TAPT1: variants seen among roughly 807,000 people sequenced by gnomAD.
The protein encoded by TAPT1 is transmembrane anterior posterior transformation protein 1 homolog.
Under a neutral mutation model 65.6 loss-of-function variants are expected in TAPT1, and 28 were observed. The ratio of observed to expected loss-of-function variants is 0.43; its 90% CI spans 0.32 to 0.59. TAPT1 has a LOEUF of 0.59. TAPT1 is among the 20% of genes least tolerant of loss of function. The pLI, the probability that TAPT1 is intolerant of heterozygous loss-of-function variation, is 0.09. For synonymous variants in TAPT1, 278 were observed against 245.2 expected, an observed-to-expected ratio of 1.13 and a Z score of -1.25; for missense variants, 563 against 679.9, an observed-to-expected ratio of 0.83 and a Z score of 1.91.
intron 12 of TAPT1, 89 bp downstream of exon 12, chr4:16,170,564 G>A (rs1411105684): frequency 3.4e-6 from 3 of 875,630 alleles, no homozygotes; most frequent in African/African-American, 1.7e-5. Flanking sequence ...TAGACTGGGA[G>A]TAGTATGATT....
At chr4:16,165,722 A>T (rs1187412031) in intron 13 of TAPT1, among the ~76,000 whole-genome samples, 2 of 152,050 alleles carry the variant, frequency 1.3e-5, no homozygotes, top group African/African-American at 2.4e-5. Flanking sequence ...ATCATCCTGA[A>T]CTCACCTATT....
At chr4:16,226,872 C>T (rs779440828), upstream of TAPT1, 509 of 231,296 alleles carry the variant, frequency 2.2e-3, 3 homozygotes, top group Middle Eastern at 0.012. Flanking sequence ...GGAGAGGCGG[C>T]CGCCACCACC....
At chr4:16,179,892 A>G (rs1748611217) in intron 7 of TAPT1, among the ~76,000 whole-genome samples, 1 of 152,062 alleles carries the variant, frequency 6.6e-6, no homozygotes, top group Non-Finnish European at 1.5e-5. Context: ...TCTAGTATGG[A>G]AATTCCAGTT....
chr4:16,204,941 G>A (rs1242124399), intron 2 of TAPT1, among the ~76,000 whole-genome samples: 1 of 152,192 alleles, frequency 6.6e-6, no homozygotes, highest in Non-Finnish European at 1.5e-5. Flanking sequence ...ATTACAAAAT[G>A]AAAATTATCC....
chr4:16,193,878 A>C (rs1013655956), intron 3 of TAPT1, among the ~76,000 whole-genome samples: 1 of 152,222 alleles, frequency 6.6e-6, no homozygotes, highest in Non-Finnish European at 1.5e-5. Context: ...TACGAGCTAA[A>C]AGTAGGGTAG....
intron 3 of TAPT1, among the ~76,000 whole-genome samples, chr4:16,198,656 G>A (rs530411351): frequency 1.3e-5 from 2 of 152,174 alleles, no homozygotes; most frequent in South Asian, 2.1e-4. Flanking sequence ...TCAGACTGAA[G>A]GAAAGAGCAC....
intron 3 of TAPT1, among the ~76,000 whole-genome samples, chr4:16,193,679 T>C (rs1749520665): frequency 6.6e-6 from 1 of 152,206 alleles, no homozygotes; most frequent in Admixed American, 6.5e-5. Context: ...GGAGACGTTT[T>C]GAACACTTGT....
chr4:16,223,333 CATTG>C (rs1234662099), intron 1 of TAPT1, among the ~76,000 whole-genome samples: 1 of 152,162 alleles, frequency 6.6e-6, no homozygotes, highest in African/African-American at 2.4e-5. Context: ...AAAAACATAA[CATTG>C]ATTATTTGGT....
rs187830636 is a variant in TAPT1, at chr4:16,214,987, C to T, written c.200-1089G>A. On this transcript the variant is annotated intron_variant, in intron 1 of 13. Transcript: ENST00000405303. ...TAAAGCCTACATGTGAGGGGGGAAG[C>T]GTTTATAGTAAAAAATATCCTTGGC... Among the ~76,000 whole-genome samples the T allele has an allele frequency of 3.9e-5, 6 of 152,146 alleles. No individual in the cohort carries two copies. The East Asian group carries it at 7.7e-4, about 20-fold the overall frequency.
At position 16,166,884 on chromosome 4, in the gene TAPT1, G is replaced by A; in HGVS notation, c.1314-91C>T. ...ACTACCATGGCTAAGGAGAAGGTGGGGGGGCATGGGACGGTGACAGATTAG... is the reference window on the plus strand; with the variant it reads ...ACTACCATGGCTAAGGAGAAGGTGGAGGGGCATGGGACGGTGACAGATTAG... On this transcript the variant is annotated intron_variant, in intron 12 of 13. Coordinates refer to ENST00000405303, the MANE Select transcript of TAPT1 (RefSeq NM_153365.3). 6 of 1,311,192 alleles carry A rather than the reference G, an allele frequency of 4.6e-6. No homozygotes were observed. In the South Asian group the frequency reaches 6.6e-5, roughly 15 times the overall value. The allele number at this position is 1,311,192 out of a possible 1,614,324, so 81.2% of individuals were successfully genotyped here.
chr4:16,213,779 C>T lies in TAPT1; in HGVS notation c.319G>A (p.Glu107Lys), dbSNP rs541894051. Residue 107 changes from glutamate to lysine, a missense_variant, in exon 2 of 14, where the codon GAA becomes AAA. Around this residue, in one of 5 missense-constraint regions of TAPT1, gnomAD observed 217 missense variants for 317.5 expected, o/e 0.68. Transcript: ENST00000405303. ...AGAAAAAATAGTACCTTTTCCAATT[C>T]TCTTGGTATTCGCAAACAAGTGTAT... is the stretch of plus-strand genomic sequence containing the variant. ...RVYTCLRIPRELEKLMVFGIF... is the reference protein window; with the variant it reads ...RVYTCLRIPRKLEKLMVFGIF... 4 of 1,566,306 alleles carry T rather than the reference C, an allele frequency of 2.6e-6. No individual in the cohort carries two copies. Among genetic ancestry groups the T allele is most frequent in the Non-Finnish European group, 3.4e-6 (4 of 1,165,196 alleles).
At chr4:16,174,450 T>G (rs376104582) in intron 10 of TAPT1, 178 bp from the exon 11 acceptor site, 407 of 691,574 alleles carry the variant, frequency 5.9e-4, no homozygotes, top group South Asian at 2.2e-3. Context: ...AAATACAAAG[T>G]TGAATAACTT....
intron 4 of TAPT1, 149 bp downstream of exon 4, chr4:16,191,212 A>C: frequency 1.4e-6 from 1 of 737,318 alleles, no homozygotes; most frequent in Non-Finnish European, 2.1e-6. Flanking sequence ...ATGTTTAAGA[A>C]GAGCCCCCAA....
At chr4:16,223,271 GA>G (rs1425111471) in intron 1 of TAPT1, among the ~76,000 whole-genome samples, 1 of 152,206 alleles carries the variant, frequency 6.6e-6, no homozygotes, top group African/African-American at 2.4e-5. Flanking sequence ...TGGCTATACA[GA>G]AACTCTCCTA....
At chr4:16,218,360 G>T (rs975339448) in intron 1 of TAPT1, among the ~76,000 whole-genome samples, 18 of 152,358 alleles carry the variant, frequency 1.2e-4, no homozygotes, top group East Asian at 7.7e-4. Flanking sequence ...AGCCGAGATC[G>T]TGTACTGTAC....
intron 2 of TAPT1, among the ~76,000 whole-genome samples, chr4:16,206,300 G>A (rs969408941): frequency 1.3e-5 from 2 of 152,214 alleles, no homozygotes; most frequent in African/African-American, 4.8e-5. Context: ...GAATGATCCT[G>A]AGACTTTCTT....
intron 2 of TAPT1, among the ~76,000 whole-genome samples, chr4:16,207,920 T>C (rs1463506011): frequency 1.3e-5 from 2 of 152,164 alleles, no homozygotes; most frequent in South Asian, 2.1e-4. Flanking sequence ...ATGGTAACAA[T>C]GAAATAATGA....
At chr4:16,174,996 T>G in intron 9 of TAPT1, 1 of 266,596 alleles carries the variant, frequency 3.8e-6, no homozygotes, top group Non-Finnish European at 6.9e-6. Flanking sequence ...ATCCTGAGAG[T>G]TTAGAATTTG....
chr4:16,211,044 G>GT lies in TAPT1; in HGVS notation c.330+2723dup, dbSNP rs886255932. On this transcript the variant is annotated intron_variant, in intron 2 of 13. Coordinates refer to ENST00000405303, the MANE Select transcript of TAPT1 (RefSeq NM_153365.3). The stretch of plus-strand genomic sequence containing the variant: ...GACAATACAACACAAAAATTGGGGT[G>GT]TTTTTTTTTTCACATTAGTAAACAG... Among the ~76,000 whole-genome samples, 689 of 108,026 alleles carry GT rather than the reference G, an allele frequency of 6.4e-3. 3 individuals are homozygous for GT. Among genetic ancestry groups the GT allele is most frequent in the Non-Finnish European group, 7.1e-3 (414 of 58,436 alleles). The allele number at this position is 108,026 out of a possible 152,430, so 70.9% of individuals were successfully genotyped here.
Sources: gnomAD v4.1 joint callset for allele counts (sites outside exome capture counted in the v4.1 genomes callset) on GRCh38, gnomAD v4.1.1 for gene constraint, gnomAD v4.1.1 regional missense constraint, MANE v1.5 for transcripts, NCBI Gene and HGNC (gene_info 2026-07-23, HGNC 2026-07-21) for gene names.